The following CNTN6 variants were observed in gnomAD, a reference collection of about 807,000 sequenced individuals.
CNTN6 encodes contactin-6.
In CNTN6, 137 loss-of-function variants were observed where a neutral mutation model predicts 122.8. The ratio of observed to expected loss-of-function variants is 1.12; its 90% CI spans 0.97 to 1.29. The LOEUF (loss-of-function observed/expected upper bound fraction) is 1.29, where lower values mean the gene tolerates loss of function less well. Ranked by LOEUF, CNTN6 falls within the 50% of genes most tolerant of loss-of-function variation. CNTN6 has a pLI of 0.00. For synonymous variants in CNTN6, 570 were observed against 426.0 expected, an observed-to-expected ratio of 1.34 and a Z score of -4.16; for missense variants, 1,634 against 1,223.4, an observed-to-expected ratio of 1.34 and a Z score of -5.01.
At chr3:1,240,968 C>T (rs1323598270) in intron 4 of CNTN6, among the ~76,000 whole-genome samples, 1 of 151,604 alleles carries the variant, frequency 6.6e-6, no homozygotes, top group East Asian at 1.9e-4. Flanking sequence ...ATGGGTGGAT[C>T]TCACAAAGTA....
chr3:1,307,972 T>C (rs977053658), intron 7 of CNTN6, among the ~76,000 whole-genome samples: 2 of 152,172 alleles, frequency 1.3e-5, no homozygotes, highest in African/African-American at 2.4e-5. Flanking sequence ...TCCCACTCCA[T>C]ACTGACTCTT....
chr3:1,349,153 C>T (rs1253609809), intron 11 of CNTN6, among the ~76,000 whole-genome samples: 5 of 151,924 alleles, frequency 3.3e-5, no homozygotes, highest in Non-Finnish European at 7.4e-5. Context: ...CCCATCATTT[C>T]ATGGTGCTCA....
chr3:1,200,010 G>A (rs572103576), intron 2 of CNTN6, among the ~76,000 whole-genome samples: 5 of 152,078 alleles, frequency 3.3e-5, no homozygotes, highest in Admixed American at 1.3e-4. Flanking sequence ...TAGATAAAGC[G>A]GTAGAAAACT....
At chr3:1,114,908 G>T (rs568328019) in intron 1 of CNTN6, among the ~76,000 whole-genome samples, 5 of 152,246 alleles carry the variant, frequency 3.3e-5, no homozygotes, top group East Asian at 3.9e-4. Flanking sequence ...CCCCTAGAAG[G>T]CTCAGAAGCT....
Position 1,402,423 on chromosome 3 carries a change from A to C in CNTN6, c.2923A>C (p.Arg975=), listed in dbSNP as rs755233831. 5.6e-6 allele frequency: 9 copies of C among 1,612,550 alleles called. No homozygotes were observed. In the South Asian group the frequency reaches 8.8e-5, roughly 16 times the overall value. The change falls in exon 22 of 23, where the codon AGA becomes CGA. Residue 975 remains arginine (R), a synonymous_variant. Coordinates refer to ENST00000446702, the MANE Select transcript of CNTN6 (RefSeq NM_001289080.2). The part of the protein sequence containing the change: ...PFEEDYLIEI[R]TVSDGGDGSS... ...TGAAGAAGACTACTTAATTGAAATA[A>C]GAACAGTCAGTGATGGTGGAGATGG...
chr3:1,148,052 A>G lies in CNTN6; in HGVS notation c.44A>G (p.Asn15Ser), dbSNP rs1245937502. Reference sequence around the variant, plus strand: ...CTGGTAATTCTGCTGCCACTCATAAACTCTTCTGCAGGTAAAGTGTTCTAT... The same window carrying G: ...CTGGTAATTCTGCTGCCACTCATAAGCTCTTCTGCAGGTAAAGTGTTCTAT... ...WKLVILLPLI[N>S]SSAGDGLLSR... Residue 15 changes from asparagine to serine, a missense_variant, in exon 2 of 23, where the codon AAC (asparagine) becomes AGC (serine). By Grantham distance (46) the Asn-to-Ser change is conservative. Coordinates refer to ENST00000446702, the MANE Select transcript of CNTN6 (RefSeq NM_001289080.2). 5.6e-6 allele frequency: 9 copies of G among 1,606,832 alleles called. No homozygotes were observed. The highest frequency in any genetic ancestry group is 1.3e-5 in the African/African-American group (1 of 74,690).
chr3:1,129,839 A>C (rs1156297282), intron 1 of CNTN6, among the ~76,000 whole-genome samples: 10 of 151,096 alleles, frequency 6.6e-5, no homozygotes, highest in African/African-American at 2.5e-4. Context: ...GTCTCAAGTC[A>C]TGCTTTTGAA....
chr3:1,193,854 G>C (rs1003884124), intron 2 of CNTN6, among the ~76,000 whole-genome samples: 1 of 152,068 alleles, frequency 6.6e-6, no homozygotes, highest in Non-Finnish European at 1.5e-5. Flanking sequence ...AAAATACAGT[G>C]ATCTTAAGTG....
At chr3:1,273,420 G>C (rs951620305) in intron 4 of CNTN6, among the ~76,000 whole-genome samples, 3 of 152,174 alleles carry the variant, frequency 2.0e-5, no homozygotes, top group African/African-American at 7.2e-5. Context: ...AGGTCTTACA[G>C]AGCAAAGAAA....
intron 7 of CNTN6, among the ~76,000 whole-genome samples, chr3:1,308,547 A>C (rs961763732): frequency 6.6e-6 from 1 of 152,136 alleles, no homozygotes; most frequent in South Asian, 2.1e-4. Flanking sequence ...ATGTGTGTCT[A>C]TACTAATTAT....
intron 4 of CNTN6, among the ~76,000 whole-genome samples, chr3:1,237,248 G>A (rs1013591053): frequency 6.6e-6 from 1 of 151,828 alleles, no homozygotes; most frequent in Non-Finnish European, 1.5e-5. Flanking sequence ...AAAATGCATT[G>A]GAAAGTCTAA....
chr3:1,227,900 C>A lies in CNTN6; in HGVS notation c.265C>A (p.Pro89Thr). Reference sequence around the variant, plus strand: ...TGGAGGCAGTCTTGCAATCAATAGCCCCCACACAGATCAAGATATTGGCAT... The same window carrying A: ...TGGAGGCAGTCTTGCAATCAATAGCACCCACACAGATCAAGATATTGGCAT... ...LDGGSLAINS[P>T]HTDQDIGMYQ... Residue 89 changes from proline to threonine, a missense_variant, in exon 4 of 23, where the codon CCC becomes ACC. Pro to Thr is a conservative substitution (Grantham distance 38, BLOSUM62 -1). Coordinates refer to ENST00000446702, the MANE Select transcript of CNTN6 (RefSeq NM_001289080.2). 1 of 1,613,954 alleles carries A rather than the reference C, an allele frequency of 6.2e-7. No homozygotes were observed. Among genetic ancestry groups the A allele is most frequent in the African/African-American group, 1.3e-5 (1 of 74,990 alleles).
chr3:1,370,192 A>G (rs1708812832), intron 12 of CNTN6, among the ~76,000 whole-genome samples: 1 of 151,814 alleles, frequency 6.6e-6, no homozygotes, highest in Non-Finnish European at 1.5e-5. Context: ...TTTTTAATCT[A>G]TTGGTTTCTC....
At chr3:1,130,421 G>T (rs902587696) in intron 1 of CNTN6, among the ~76,000 whole-genome samples, 1 of 152,088 alleles carries the variant, frequency 6.6e-6, no homozygotes, top group African/African-American at 2.4e-5. Context: ...AAGCAGAAGT[G>T]CCTGAGAGTT....
chr3:1,121,311 G>C (rs1467951001), intron 1 of CNTN6, among the ~76,000 whole-genome samples: 1 of 151,828 alleles, frequency 6.6e-6, no homozygotes, highest in Non-Finnish European at 1.5e-5. Context: ...ATCATTACAA[G>C]TTTTTTGAAA....
chr3:1,303,152 G>C (rs1697718768), intron 7 of CNTN6, among the ~76,000 whole-genome samples: 1 of 151,824 alleles, frequency 6.6e-6, no homozygotes. Flanking sequence ...ATTTGTTCTT[G>C]TATGCTGTTC....
chr3:1,095,316 C>A, intron 1 of CNTN6, among the ~76,000 whole-genome samples: 1 of 151,946 alleles, frequency 6.6e-6, no homozygotes, highest in Non-Finnish European at 1.5e-5. Context: ...ACTAAAAATA[C>A]AAAAATTAGC....
intron 1 of CNTN6, among the ~76,000 whole-genome samples, chr3:1,113,979 T>C (rs2091600499): frequency 6.6e-6 from 1 of 152,142 alleles, no homozygotes; most frequent in African/African-American, 2.4e-5. Flanking sequence ...ATTTATTCAT[T>C]CAGTAGAGAT....
At chr3:1,201,494 T>G (rs2093872492) in intron 2 of CNTN6, among the ~76,000 whole-genome samples, 1 of 151,944 alleles carries the variant, frequency 6.6e-6, no homozygotes, top group Non-Finnish European at 1.5e-5. Flanking sequence ...TCACTCTCAT[T>G]TTTCATATCC....
Sources: allele counts gnomAD v4.1 joint callset (sites outside exome capture counted in the v4.1 genomes callset), GRCh38; gene constraint gnomAD v4.1.1; transcripts MANE v1.5; gene names NCBI Gene and HGNC (gene_info 2026-07-23, HGNC 2026-07-21).